The following EPHA3 variants were observed in gnomAD, a reference collection of about 807,000 sequenced individuals.
EPHA3 encodes EPH receptor A3, also known as ephrin type-A receptor 3.
Under a neutral mutation model 107.1 loss-of-function variants are expected in EPHA3, and 42 were observed. The ratio of observed to expected loss-of-function variants is 0.39; its 90% CI spans 0.31 to 0.51. The LOEUF (loss-of-function observed/expected upper bound fraction) is 0.51. Ranked by LOEUF, EPHA3 falls within the 20% of genes least tolerant of loss-of-function variation. EPHA3 has a pLI of 0.78. For missense variants in EPHA3, 1,183 were observed against 1,211.2 expected, an observed-to-expected ratio of 0.98 and a Z score of 0.35; for synonymous variants, 461 against 424.8, an observed-to-expected ratio of 1.09 and a Z score of -1.05.
At chr3:89,175,830 G>A (rs923711997) in intron 2 of EPHA3, among the ~76,000 whole-genome samples, 3 of 152,046 alleles carry the variant, frequency 2.0e-5, no homozygotes, top group Non-Finnish European at 4.4e-5. Flanking sequence ...GAAAAAGGAA[G>A]GAGGAAGAGG....
chr3:89,165,587 G>A (rs1164114325), intron 2 of EPHA3, among the ~76,000 whole-genome samples: 1 of 152,072 alleles, frequency 6.6e-6, no homozygotes, highest in Admixed American at 6.5e-5. Context: ...ATTCAAAAAT[G>A]CAAGTCTTAT....
Position 89,209,867 on chromosome 3 carries a change from A to T in EPHA3, c.161A>T (p.Glu54Val). The T allele has an allele frequency of 6.3e-7, 1 of 1,592,154 alleles. No homozygotes were observed. ...TTCTCTTTGATTCTTCAGTGGGAAG[A>T]GATCAGTGGTGTGGATGAACATTAC... is the stretch of plus-strand genomic sequence containing the variant. ...WISYPSHGWE[E>V]ISGVDEHYTP... The change falls in exon 3 of 17, where the codon GAG becomes GTG. Residue 54 changes from glutamate (E) to valine (V), a missense_variant. Coordinates refer to ENST00000336596, the MANE Select transcript of EPHA3 (RefSeq NM_005233.6).
chr3:89,301,215 C>A (rs150507074), intron 3 of EPHA3, among the ~76,000 whole-genome samples: 1 of 151,974 alleles, frequency 6.6e-6, no homozygotes, highest in Non-Finnish European at 1.5e-5. Context: ...CATGGCGATG[C>A]AGAAAAGAAT....
intron 6 of EPHA3, among the ~76,000 whole-genome samples, chr3:89,397,755 G>T (rs553999175): frequency 2.6e-5 from 4 of 152,146 alleles, no homozygotes; most frequent in Non-Finnish European, 5.9e-5. Context: ...AACTAATTTT[G>T]TATTTTTAGT....
intron 2 of EPHA3, among the ~76,000 whole-genome samples, chr3:89,201,604 C>T (rs1370330757): frequency 6.6e-6 from 1 of 152,068 alleles, no homozygotes; most frequent in African/African-American, 2.4e-5. Context: ...CCATTCTGAC[C>T]ACTGTCTCGC....
intron 13 of EPHA3, among the ~76,000 whole-genome samples, chr3:89,434,238 G>A (rs1359083248): frequency 3.9e-5 from 6 of 151,926 alleles, no homozygotes; most frequent in African/African-American, 1.5e-4. Context: ...TAATTTTTGA[G>A]ACAGAGCCTC....
At chr3:89,473,506 G>C (rs1169094574) in intron 16 of EPHA3, among the ~76,000 whole-genome samples, 3 of 152,306 alleles carry the variant, frequency 2.0e-5, no homozygotes, top group East Asian at 1.9e-4. Context: ...CACTGTGATT[G>C]AGAACCAATT....
chr3:89,425,379 AT>A (rs1322959004), intron 11 of EPHA3, among the ~76,000 whole-genome samples: 1 of 145,234 alleles, frequency 6.9e-6, no homozygotes, highest in African/African-American at 2.5e-5. Flanking sequence ...AATTTTGTCA[AT>A]TTTTTTCAAC....
intron 3 of EPHA3, among the ~76,000 whole-genome samples, chr3:89,217,291 C>CT (rs879493842): frequency 6.6e-6 from 1 of 152,026 alleles, no homozygotes; most frequent in African/African-American, 2.4e-5. Flanking sequence ...CATATATGCT[C>CT]TTTTTTTGTA....
At chr3:89,471,446 G>A (rs1422081445) in intron 15 of EPHA3, among the ~76,000 whole-genome samples, 1 of 152,092 alleles carries the variant, frequency 6.6e-6, no homozygotes, top group Non-Finnish European at 1.5e-5. Flanking sequence ...TCGGCTCACC[G>A]CAACCTTCGC....
intron 3 of EPHA3, among the ~76,000 whole-genome samples, chr3:89,311,026 G>T (rs1706753092): frequency 6.6e-6 from 1 of 151,848 alleles, no homozygotes; most frequent in African/African-American, 2.4e-5. Flanking sequence ...GTATAATAGT[G>T]TTCATAGTGG....
chr3:89,179,373 A>G (rs1279724456), intron 2 of EPHA3, among the ~76,000 whole-genome samples: 1 of 152,040 alleles, frequency 6.6e-6, no homozygotes, highest in Non-Finnish European at 1.5e-5. Context: ...AAGGAGGGGA[A>G]CTTTTATAAT....
intron 5 of EPHA3, among the ~76,000 whole-genome samples, chr3:89,389,553 A>G (rs1708684708): frequency 6.6e-6 from 1 of 152,222 alleles, no homozygotes; most frequent in Admixed American, 6.5e-5. Flanking sequence ...AGAAAGAGGA[A>G]GGTCCCAATA....
chr3:89,211,471 C>T (rs1265431018), intron 3 of EPHA3, among the ~76,000 whole-genome samples: 2 of 151,710 alleles, frequency 1.3e-5, no homozygotes, highest in African/African-American at 2.4e-5. Context: ...ATTTTAATGC[C>T]CTTGCTTGCT....
At chr3:89,405,987 A>G (rs972039734) in intron 7 of EPHA3, among the ~76,000 whole-genome samples, 3 of 152,136 alleles carry the variant, frequency 2.0e-5, no homozygotes, top group African/African-American at 7.2e-5. Context: ...CCTATGCAAA[A>G]CTTTTATGCA....
At chr3:89,226,400 A>G (rs1047827389) in intron 3 of EPHA3, among the ~76,000 whole-genome samples, 2 of 152,152 alleles carry the variant, frequency 1.3e-5, no homozygotes, top group African/African-American at 2.4e-5. Context: ...AATCCTTACT[A>G]TGGGGAAACG....
At chr3:89,264,336 G>A (rs1184117429) in intron 3 of EPHA3, among the ~76,000 whole-genome samples, 3 of 152,076 alleles carry the variant, frequency 2.0e-5, no homozygotes, top group African/African-American at 7.2e-5. Flanking sequence ...ACCCAGTAGG[G>A]AAAATTCCAC....
chr3:89,220,624 A>G (rs1487250606), intron 3 of EPHA3, among the ~76,000 whole-genome samples: 2 of 152,172 alleles, frequency 1.3e-5, no homozygotes, highest in Non-Finnish European at 2.9e-5. Flanking sequence ...CCGTATGGAA[A>G]CAGTTCAGAC....
At chr3:89,153,491 T>C (rs1275071768) in intron 2 of EPHA3, among the ~76,000 whole-genome samples, 1 of 152,098 alleles carries the variant, frequency 6.6e-6, no homozygotes, top group African/African-American at 2.4e-5. Flanking sequence ...TCCTCATCCA[T>C]GGCCACTTCT....
Sources: allele counts gnomAD v4.1 joint callset (sites outside exome capture counted in the v4.1 genomes callset), GRCh38; gene constraint gnomAD v4.1.1; transcripts MANE v1.5; gene names NCBI Gene and HGNC (gene_info 2026-07-23, HGNC 2026-07-21).